HINFP: variants seen among roughly 807,000 people sequenced by gnomAD.
HINFP encodes the protein histone H4 transcription factor, also known as MBD2 (methyl-CpG-binding protein)-interacting zinc finger protein.
Under a neutral mutation model 50.1 loss-of-function variants are expected in HINFP, and 20 were observed. That is an observed-to-expected ratio of 0.40 (90% CI 0.28 to 0.58). The LOEUF (loss-of-function observed/expected upper bound fraction) is 0.58. Ranked by LOEUF, HINFP falls within the 20% of genes least tolerant of loss-of-function variation. HINFP has a pLI of 0.45. For missense variants in HINFP, 505 were observed against 664.1 expected (o/e 0.76, Z 2.63); for synonymous variants, 247 against 243.7 (o/e 1.01, Z -0.13).
rs59395600 is a variant in HINFP, at chr11:119,129,490, C to CTTTTTTTTTTTTTTTTTTTT, written c.182-1220_182-1219insTTTTTTTTTTTTTTTTTTTT. On this transcript the variant is annotated intron_variant, in intron 2 of 9. Transcript: ENST00000350777. ...TCTGGCAGGAATACATTTTTCTTTTCTTTTTTTTTTTTTTTGTGGGAGTGC... is the reference window on the plus strand; with the variant it reads ...TCTGGCAGGAATACATTTTTCTTTTCTTTTTTTTTTTTTTTTTTTTTTTTTTTTTTTTTTTGTGGGAGTGC... 2.1e-4 allele frequency among the ~76,000 whole-genome samples: 26 copies of CTTTTTTTTTTTTTTTTTTTT among 124,170 alleles called. 1 individual carries two copies. Among genetic ancestry groups the CTTTTTTTTTTTTTTTTTTTT allele is most frequent in the South Asian group, 1.7e-3 (5 of 2,910 alleles). 81.5% of individuals were successfully genotyped at this position (124,170 alleles called of 152,430 possible).
At position 119,131,909 on chromosome 11, in the gene HINFP, C is replaced by T. The variant is rs1440974909; in HGVS notation, c.603C>T (p.Cys201=). 3 of 1,614,058 alleles carry T rather than the reference C, an allele frequency of 1.9e-6. No homozygotes were observed. The highest frequency in any genetic ancestry group is 2.5e-6 in the Non-Finnish European group (3 of 1,180,024). ...ATACCCAGGAGAAAGTGGTAGCCTG[C>T]CCCACCTGTGGGGGCATGTTTGCCA... The part of the protein sequence containing the change: ...RSHTQEKVVA[C]PTCGGMFANN... Residue 201 remains cysteine, a synonymous_variant, in exon 5 of 10, where the codon TGC becomes TGT. Transcript: ENST00000350777. This position sits in a 1 kb window ranked among gnomAD's most constrained non-coding sequence, Gnocchi z 4.2.
chr11:119,134,211 A>G lies in HINFP; in HGVS notation c.1267A>G (p.Ser423Gly), dbSNP rs1298867274. The change falls in exon 10 of 10, where the codon AGC becomes GGC. Residue 423 changes from serine to glycine, a missense_variant. Transcript: ENST00000350777. This position sits in a 1 kb window ranked among gnomAD's most constrained non-coding sequence, Gnocchi z 4.3. ...CCTGGGAACGTCGCTGAACGAGAGCAGCCTGCAGGGCATTATTCTAGAAAC... is the reference window on the plus strand; with the variant it reads ...CCTGGGAACGTCGCTGAACGAGAGCGGCCTGCAGGGCATTATTCTAGAAAC... ...SGLGTSLNESSLQGIILETVP... is the reference protein window; with the variant it reads ...SGLGTSLNESGLQGIILETVP... The G allele has an allele frequency of 6.2e-7, 1 of 1,614,120 alleles. No individual in the cohort carries two copies. Among genetic ancestry groups the G allele is most frequent in the East Asian group, 2.2e-5 (1 of 44,904 alleles).
chr11:119,125,716 G>A (rs1001998967), intron 1 of HINFP: 3 of 152,156 alleles, frequency 2.0e-5, no homozygotes, highest in African/African-American at 7.2e-5. Flanking sequence ...AGCATGCCTA[G>A]CAGTGTATAG....
At chr11:119,132,064 A>C in intron 5 of HINFP, 82 bp downstream of exon 5, 1 of 1,503,786 alleles carries the variant, frequency 6.6e-7, no homozygotes, top group Non-Finnish European at 9.1e-7. Flanking sequence ...GGGGGTGGCC[A>C]CTGAAGAGAC....
intron 5 of HINFP, chr11:119,132,292 C>T (rs1418896335): frequency 1.6e-6 from 1 of 625,928 alleles, no homozygotes; most frequent in African/African-American, 1.8e-5. Flanking sequence ...TGAGATCACA[C>T]AGCTAGTAAG....
At position 119,135,616 on chromosome 11, in the gene HINFP, C is replaced by G. The variant is rs1411620163; in HGVS notation, c.*1118C>G. ...GTCTGGTTCAGCTGCTTCTCAGCAC[C>G]CTGTGTCCATTTTTATGGTCTACTG... On this transcript the variant is annotated 3_prime_UTR_variant, in exon 10 of 10. Coordinates refer to ENST00000350777, the MANE Select transcript of HINFP (RefSeq NM_198971.3). 1 of 152,124 alleles carries G rather than the reference C, an allele frequency of 6.6e-6. No homozygotes were observed. The highest frequency in any genetic ancestry group is 2.4e-5 in the African/African-American group (1 of 41,394). 9.4% of individuals were successfully genotyped at this position (152,124 alleles called of 1,614,324 possible).
chr11:119,127,469 T>TTG (rs1447125782), intron 2 of HINFP: 4 of 149,270 alleles, frequency 2.7e-5, no homozygotes, highest in South Asian at 4.7e-4. Flanking sequence ...TGTTTTGTTG[T>TTG]TGTGTTTTTT....
rs563724432 is a variant in HINFP at position 119,122,846 on chromosome 11, G to A, written c.-11+1207G>A. Among the ~76,000 whole-genome samples the A allele has an allele frequency of 2.0e-5, 3 of 152,300 alleles. No homozygotes were observed. In the South Asian group the frequency reaches 6.2e-4, roughly 32 times the overall value. ...GAATAGAAGTTGCATAGGTAGGCCT[G>A]TCGCGGTGGCTCACACCTGTAATCC... On this transcript the variant is annotated intron_variant, in intron 1 of 9. Coordinates refer to ENST00000350777, the MANE Select transcript of HINFP (RefSeq NM_198971.3).
intron 9 of HINFP, chr11:119,133,666 T>G (rs190209980): frequency 3.8e-5 from 9 of 237,256 alleles, no homozygotes; most frequent in African/African-American, 2.0e-4. Context: ...ATCCTAAGAA[T>G]AATGGTGGAG....
chr11:119,132,670 A>AT lies in HINFP; in HGVS notation c.765dup (p.Lys256Ter), dbSNP rs1176630774. 10 of 1,614,080 alleles carry AT rather than the reference A, an allele frequency of 6.2e-6. No individual in the cohort carries two copies. Among genetic ancestry groups the AT allele is most frequent in the Non-Finnish European group, 8.5e-6 (10 of 1,180,024 alleles). Reference sequence around the variant, plus strand: ...TCTCTGCTTCTCTCAGTGAATCACTATAAGTGCCCTCTGTGTGACATGACC... The same window carrying AT: ...TCTCTGCTTCTCTCAGTGAATCACTATTAAGTGCCCTCTGTGTGACATGACC... On this transcript the variant is annotated frameshift_variant, in exon 7 of 10. Coordinates refer to ENST00000350777, the MANE Select transcript of HINFP (RefSeq NM_198971.3). LOFTEE classifies it high-confidence loss of function.
rs1948022701 is a variant in HINFP, at chr11:119,135,829, C to G, written c.*1331C>G. ...GGATCACAAGGTCAAGAGATGGAGACCATCCTGGCCAACATGGTGAAACCC... is the reference window on the plus strand; with the variant it reads ...GGATCACAAGGTCAAGAGATGGAGAGCATCCTGGCCAACATGGTGAAACCC... On this transcript the variant is annotated 3_prime_UTR_variant, in exon 10 of 10. Coordinates refer to ENST00000350777, the MANE Select transcript of HINFP (RefSeq NM_198971.3). 6.6e-6 allele frequency: 1 copy of G among 152,034 alleles called. No homozygotes were observed. Among genetic ancestry groups the G allele is most frequent in the South Asian group, 2.1e-4 (1 of 4,824 alleles). The allele number at this position is 152,034 out of a possible 1,614,324, so 9.4% of individuals were successfully genotyped here.
In HINFP at chr11:119,131,777, C is replaced by G; in HGVS notation, c.524-53C>G. ...CTGGAGAGACTCAGGGGTACCAGAT[C>G]CTAGGCAAAACTGGGGTTTTGTGGC... On this transcript the variant is annotated intron_variant, in intron 4 of 9. Coordinates refer to ENST00000350777, the MANE Select transcript of HINFP (RefSeq NM_198971.3). This position sits in a 1 kb window ranked among gnomAD's most constrained non-coding sequence, Gnocchi z 4.2. 5 of 1,611,298 alleles carry G rather than the reference C, an allele frequency of 3.1e-6. No individual in the cohort carries two copies. Among genetic ancestry groups the G allele is most frequent in the Non-Finnish European group, 4.2e-6 (5 of 1,178,548 alleles).
At chr11:119,129,203 G>T (rs1326042155) in intron 2 of HINFP, among the ~76,000 whole-genome samples, 1 of 151,884 alleles carries the variant, frequency 6.6e-6, no homozygotes, top group East Asian at 1.9e-4. Flanking sequence ...ACCACGCCCG[G>T]GTAATTTTTG....
In HINFP at chr11:119,132,019, T is replaced by A. The variant is rs748267314; in HGVS notation, c.676+37T>A. The A allele has an allele frequency of 1.7e-5, 27 of 1,611,106 alleles. No homozygotes were observed. The South Asian group carries it at 3.0e-4, about 18-fold the overall frequency. ...GAGGAAGTGGGGTGGATGCAGGCTG[T>A]CCTGCTTGGAATGGGTTAGGGGCAT... On this transcript the variant is annotated intron_variant, in intron 5 of 9. Coordinates refer to ENST00000350777, the MANE Select transcript of HINFP (RefSeq NM_198971.3).
rs1389224376 is a variant in HINFP, at chr11:119,132,852, T to G, written c.876-12T>G. On this transcript the variant is annotated splice_polypyrimidine_tract_variant and intron_variant, in intron 7 of 9. Coordinates refer to ENST00000350777, the MANE Select transcript of HINFP (RefSeq NM_198971.3). ...CCCATGTCCTCCAATCCCTCCTGAT[T>G]TCTCATGGCAGCTGCAAGAATCTTA... 1 of 1,614,148 alleles carries G rather than the reference T, an allele frequency of 6.2e-7. No individual in the cohort carries two copies. The highest frequency in any genetic ancestry group is 2.2e-5 in the East Asian group (1 of 44,872).
rs1947879289 is a variant in HINFP, at chr11:119,133,212, C to T, written c.1132C>T (p.Arg378Cys). 1.2e-6 allele frequency: 2 copies of T among 1,614,030 alleles called. No individual in the cohort carries two copies. The highest frequency in any genetic ancestry group is 1.7e-6 in the Non-Finnish European group (2 of 1,180,012). ...GTTCAAGTGGCCCTCAGGGCATCCC[C>T]GTTTTCGGTATGTCTCTCAACCCTC... Reference protein sequence around the residue: ...HQFKWPSGHPRFRYKEHEDGY... With the variant: ...HQFKWPSGHPCFRYKEHEDGY... Residue 378 changes from arginine (R) to cysteine (C), a missense_variant, in exon 9 of 10, where the codon CGT becomes TGT. Coordinates refer to ENST00000350777, the MANE Select transcript of HINFP (RefSeq NM_198971.3).
At position 119,134,419 on chromosome 11, in the gene HINFP, C is replaced by T; in HGVS notation, c.1475C>T (p.Pro492Leu). The change falls in exon 10 of 10, where the codon CCA (proline) becomes CTA (leucine). Residue 492 changes from proline to leucine, a missense_variant. Coordinates refer to ENST00000350777, the MANE Select transcript of HINFP (RefSeq NM_198971.3). The surrounding 1 kb of genome is among the most constrained non-coding windows in gnomAD (Gnocchi z 4.3). ...TCTGAAGCCCCAGGGGAGCCTCCCCCAGCCCCTGAGCCACCTTCAGGGGGC... is the reference window on the plus strand; with the variant it reads ...TCTGAAGCCCCAGGGGAGCCTCCCCTAGCCCCTGAGCCACCTTCAGGGGGC... ...VLSEAPGEPPPAPEPPSGGIM... is the reference protein window; with the variant it reads ...VLSEAPGEPPLAPEPPSGGIM... 1 of 1,614,204 alleles carries T rather than the reference C, an allele frequency of 6.2e-7. No homozygotes were observed. The highest frequency in any genetic ancestry group is 8.5e-7 in the Non-Finnish European group (1 of 1,180,024).
intron 1 of HINFP, chr11:119,124,020 A>G (rs1247650343): frequency 6.6e-6 from 1 of 151,964 alleles, no homozygotes; most frequent in Non-Finnish European, 1.5e-5. Context: ...GAATTTTGCC[A>G]TGTTGCCCAG....
At chr11:119,128,768 A>G (rs924316658) in intron 2 of HINFP, among the ~76,000 whole-genome samples, 2 of 148,584 alleles carry the variant, frequency 1.3e-5, no homozygotes, top group Non-Finnish European at 3.0e-5. Context: ...GTGCGATCTC[A>G]GCTCACTGCA....
Sources: allele counts gnomAD v4.1 joint callset (sites outside exome capture counted in the v4.1 genomes callset), GRCh38; gene constraint gnomAD v4.1.1; non-coding constraint Gnocchi (gnomAD v3.1); transcripts MANE v1.5; gene names NCBI Gene and HGNC (gene_info 2026-07-23, HGNC 2026-07-21).